The following HDAC9 variants were observed in gnomAD, a reference collection of about 807,000 sequenced individuals.
HDAC9 encodes histone deacetylase 9.
HDAC9 carries 41 observed loss-of-function variants against 139.4 expected under a neutral mutation model. The ratio of observed to expected loss-of-function variants is 0.29; its 90% CI spans 0.23 to 0.38. The LOEUF is 0.38. Ranked by LOEUF, HDAC9 falls within the 10% of genes least tolerant of loss-of-function variation. The pLI, the probability that HDAC9 is intolerant of heterozygous loss-of-function variation, is 1.00. For synonymous variants in HDAC9, 517 were observed against 476.2 expected (o/e 1.09, Z -1.12); for missense variants, 1,147 against 1,297.0 (o/e 0.88, Z 1.78).
intron 22 of HDAC9, among the ~76,000 whole-genome samples, chr7:18,906,107 T>G (rs558566925): frequency 8.6e-5 from 13 of 151,836 alleles, no homozygotes; most frequent in Non-Finnish European, 1.8e-4. Context: ...TTCTAATTCT[T>G]CACTTTCAAA....
chr7:18,652,708 T>C (rs1379197285), intron 11 of HDAC9, among the ~76,000 whole-genome samples: 2 of 152,176 alleles, frequency 1.3e-5, no homozygotes, highest in Admixed American at 1.3e-4. Context: ...AATATTAATA[T>C]CTTTATTAAT....
chr7:18,230,610 A>C (rs910402735), intron 2 of HDAC9, among the ~76,000 whole-genome samples: 31 of 152,180 alleles, frequency 2.0e-4, no homozygotes, highest in African/African-American at 6.8e-4. Context: ...CGTTTTGCTC[A>C]GTCTGGGTTT....
At chr7:18,536,422 C>T (rs1273034451) in intron 2 of HDAC9, among the ~76,000 whole-genome samples, 1 of 152,080 alleles carries the variant, frequency 6.6e-6, no homozygotes, top group Non-Finnish European at 1.5e-5. Flanking sequence ...TAAGAAAGAA[C>T]TATTTAGATT....
intron 15 of HDAC9, among the ~76,000 whole-genome samples, chr7:18,766,728 AATGAAT>A (rs1365133971): frequency 1.3e-5 from 2 of 152,204 alleles, no homozygotes. Flanking sequence ...CATCCCATTG[AATGAAT>A]ATACTCAGTG....
intron 2 of HDAC9, chr7:18,509,405 C>A: frequency 9.1e-6 from 9 of 985,396 alleles, no homozygotes; most frequent in Non-Finnish European, 1.1e-5. Context: ...AAACTCCTGG[C>A]CAACGTGCTT....
At chr7:18,742,841 C>T (rs989893341) in intron 13 of HDAC9, among the ~76,000 whole-genome samples, 3 of 152,104 alleles carry the variant, frequency 2.0e-5, no homozygotes, top group African/African-American at 7.2e-5. Context: ...TCCTTGCAAT[C>T]CCTGTTTATC....
At chr7:18,526,100 C>T (rs1259076317) in intron 2 of HDAC9, among the ~76,000 whole-genome samples, 1 of 152,142 alleles carries the variant, frequency 6.6e-6, no homozygotes, top group Non-Finnish European at 1.5e-5. Context: ...CAGCAATCTG[C>T]ATAGGAAAGG....
chr7:18,501,213 T>C (rs1798269287), intron 2 of HDAC9, among the ~76,000 whole-genome samples: 1 of 152,006 alleles, frequency 6.6e-6, no homozygotes, highest in Non-Finnish European at 1.5e-5. Flanking sequence ...TAAACAACTA[T>C]TGGATTGTGT....
chr7:18,946,394 A>G (rs1408540282), intron 23 of HDAC9, among the ~76,000 whole-genome samples: 3 of 152,172 alleles, frequency 2.0e-5, no homozygotes, highest in South Asian at 4.1e-4. Flanking sequence ...TAACATTGTA[A>G]TAACAGATGC....
At chr7:18,805,873 A>T (rs1027934383) in intron 17 of HDAC9, among the ~76,000 whole-genome samples, 1 of 152,186 alleles carries the variant, frequency 6.6e-6, no homozygotes, top group African/African-American at 2.4e-5. Flanking sequence ...TCTGTAAAGT[A>T]AGCAGGAAGG....
chr7:18,664,726 TAAC>T (rs948046863), intron 11 of HDAC9, among the ~76,000 whole-genome samples: 4 of 152,114 alleles, frequency 2.6e-5, no homozygotes, highest in Non-Finnish European at 5.9e-5. Flanking sequence ...TTAACTCCCT[TAAC>T]AATCCCCATT....
chr7:18,840,875 A>G (rs976447661), intron 21 of HDAC9, among the ~76,000 whole-genome samples: 1 of 152,142 alleles, frequency 6.6e-6, no homozygotes, highest in Admixed American at 6.6e-5. Context: ...AGTCTTTAAT[A>G]TAAGAATCAT....
At chr7:18,143,372 G>A (rs1786053132) in intron 1 of HDAC9, among the ~76,000 whole-genome samples, 1 of 152,148 alleles carries the variant, frequency 6.6e-6, no homozygotes, top group Admixed American at 6.5e-5. Flanking sequence ...TGGTCAGTCT[G>A]ATTATGAAAA....
At chr7:18,446,888 T>C (rs1463741470) in intron 1 of HDAC9, among the ~76,000 whole-genome samples, 2 of 152,188 alleles carry the variant, frequency 1.3e-5, no homozygotes, top group Admixed American at 6.5e-5. Context: ...TTAATTTTTT[T>C]CCTAAGGTTG....
At chr7:18,649,315 C>T (rs1416868293) in intron 11 of HDAC9, among the ~76,000 whole-genome samples, 1 of 152,074 alleles carries the variant, frequency 6.6e-6, no homozygotes, top group Non-Finnish European at 1.5e-5. Flanking sequence ...TCAGACAGGC[C>T]AGTAAAGGAT....
chr7:18,640,357 TAAAAAAAAAAAA>T lies in HDAC9; in HGVS notation c.913-4296_913-4285del, dbSNP rs56655676. Among the ~76,000 whole-genome samples the T allele has an allele frequency of 1.1e-4, 7 of 66,082 alleles. No homozygotes were observed. The East Asian group carries it at 2.4e-3, about 23-fold the overall frequency. The allele number at this position is 66,082 out of a possible 152,430, so 43.4% of individuals were successfully genotyped here. ...TGGGCGACAGAGCAAGATCCTGTCT[TAAAAAAAAAAAA>T]AAAAAAAAAAAAAAAAAGGAAAAGT... On this transcript the variant is annotated intron_variant, in intron 8 of 25. Coordinates refer to ENST00000686413, the MANE Select transcript of HDAC9 (RefSeq NM_178425.4).
chr7:18,674,222 G>C (rs768569449), intron 12 of HDAC9, among the ~76,000 whole-genome samples: 2 of 151,898 alleles, frequency 1.3e-5, no homozygotes, highest in Admixed American at 6.6e-5. Flanking sequence ...AATCCATGGT[G>C]CTCTCATTGC....
chr7:18,169,899 G>C (rs746296724), intron 2 of HDAC9, among the ~76,000 whole-genome samples: 6 of 152,084 alleles, frequency 3.9e-5, no homozygotes, highest in African/African-American at 1.5e-4. Context: ...TTGCTATTGC[G>C]AATAGTGCCG....
intron 2 of HDAC9, chr7:18,543,496 G>A (rs1813693870): frequency 6.6e-6 from 1 of 152,118 alleles, no homozygotes; most frequent in South Asian, 2.1e-4. Flanking sequence ...CCTGCTCTAT[G>A]AAACTTATCC....
Sources: allele counts gnomAD v4.1 joint callset (sites outside exome capture counted in the v4.1 genomes callset), GRCh38; gene constraint gnomAD v4.1.1; transcripts MANE v1.5; gene names NCBI Gene and HGNC (gene_info 2026-07-23, HGNC 2026-07-21).